Variants in TUSC3 observed in about 807,000 individuals in gnomAD.
The protein encoded by TUSC3 is tumor suppressor candidate 3.
TUSC3 carries 45 observed loss-of-function variants against 44.8 expected under a neutral mutation model. The ratio of observed to expected loss-of-function variants is 1.00; its 90% CI spans 0.79 to 1.29. The LOEUF is 1.29. Ranked by LOEUF, TUSC3 falls within the 50% of genes most tolerant of loss-of-function variation. The probability of loss-of-function intolerance (pLI) is 0.00; values close to 1 mark genes in which losing one functional copy is unlikely to be tolerated. For synonymous variants in TUSC3, 212 were observed against 152.9 expected, an observed-to-expected ratio of 1.39 and a Z score of -2.85; for missense variants, 519 against 437.9, an observed-to-expected ratio of 1.19 and a Z score of -1.65.
At chr8:15,811,905 A>C in the TUSC3 span, among the ~76,000 whole-genome samples, 1 of 148,424 alleles carries the variant, frequency 6.7e-6, no homozygotes, top group African/African-American at 2.5e-5. Context: ...AAGATTAAAA[A>C]TAGAAAAGAA....
At chr8:15,438,214 C>T (rs1799976106) in intron 1 of TUSC3, among the ~76,000 whole-genome samples, 1 of 152,112 alleles carries the variant, frequency 6.6e-6, no homozygotes, top group Admixed American at 6.5e-5. Context: ...CCTGCCTCAG[C>T]CTCCCAAGCA....
chr8:15,576,109 A>G (rs1004346470), intron 1 of TUSC3, among the ~76,000 whole-genome samples: 4 of 151,720 alleles, frequency 2.6e-5, no homozygotes, highest in Non-Finnish European at 5.9e-5. Context: ...CTAATTAATG[A>G]TCTCTTGTTA....
the TUSC3 span, among the ~76,000 whole-genome samples, chr8:15,819,890 T>C: frequency 6.6e-6 from 1 of 152,168 alleles, no homozygotes; most frequent in African/African-American, 2.4e-5. Context: ...CTATTGTTTT[T>C]TCATTTATTA....
intron 1 of TUSC3, among the ~76,000 whole-genome samples, chr8:15,563,753 GTTTTAAAGCTCATAGTTC>G (rs1802567508): frequency 6.7e-6 from 1 of 149,436 alleles, no homozygotes; most frequent in Admixed American, 6.7e-5. Context: ...CCTCAGAGTA[GTTTTAAAGCTCATAGTTC>G]TTAAATTGCA....
At chr8:15,671,907 TATCTTATTCATTCTTAC>T (rs1159369582) in intron 5 of TUSC3, among the ~76,000 whole-genome samples, 1 of 150,598 alleles carries the variant, frequency 6.6e-6, no homozygotes, top group African/African-American at 2.4e-5. Context: ...CAAGCCTCTT[TATCTTATTCATTCTTAC>T]ATCTCTAGAG....
chr8:15,805,638 A>G, the TUSC3 span, among the ~76,000 whole-genome samples: 2 of 152,138 alleles, frequency 1.3e-5, no homozygotes, highest in African/African-American at 2.4e-5. Context: ...ACTGATTTGC[A>G]TATGTTGAAC....
intron 2 of TUSC3, among the ~76,000 whole-genome samples, chr8:15,512,931 C>CATATATATAT (rs10696221): frequency 0.012 from 1,362 of 110,322 alleles, 23 homozygotes; most frequent in East Asian, 0.031. Context: ...TATATATAAT[C>CATATATATAT]ATATATATAT....
chr8:15,607,265 G>C (rs1450066097), intron 1 of TUSC3, among the ~76,000 whole-genome samples: 2 of 151,978 alleles, frequency 1.3e-5, no homozygotes, highest in Non-Finnish European at 2.9e-5. Context: ...TATTTAATGA[G>C]GCAGGCACCG....
chr8:15,757,963 T>G, intron 10 of TUSC3, 108 bp downstream of exon 10: 1 of 1,508,650 alleles, frequency 6.6e-7, no homozygotes, highest in Non-Finnish European at 8.9e-7. Context: ...GTTTTACAAA[T>G]GTAAGATAAC....
intron 1 of TUSC3, among the ~76,000 whole-genome samples, chr8:15,434,970 G>A (rs28457764): frequency 0.042 from 5,993 of 141,052 alleles, 306 homozygotes; most frequent in African/African-American, 0.12. Context: ...AGTCTTTGCT[G>A]TTGTGAATAG....
At chr8:15,444,952 T>C (rs1394393166) in intron 1 of TUSC3, among the ~76,000 whole-genome samples, 1 of 152,140 alleles carries the variant, frequency 6.6e-6, no homozygotes, top group Non-Finnish European at 1.5e-5. Flanking sequence ...CTCTACGAAC[T>C]TCAGATGCAG....
At chr8:15,426,471 C>T (rs1024691038) in intron 1 of TUSC3, among the ~76,000 whole-genome samples, 6 of 152,126 alleles carry the variant, frequency 3.9e-5, no homozygotes, top group Non-Finnish European at 8.8e-5. Flanking sequence ...GTTATAGATA[C>T]CTCATGTAAG....
At chr8:15,655,409 C>T (rs562446053) in intron 3 of TUSC3, among the ~76,000 whole-genome samples, 3 of 152,330 alleles carry the variant, frequency 2.0e-5, no homozygotes, top group African/African-American at 7.2e-5. Context: ...GTGCATACGG[C>T]CCCTCCCAAG....
chr8:15,782,150 A>G, the TUSC3 span, among the ~76,000 whole-genome samples: 106 of 152,280 alleles, frequency 7.0e-4, no homozygotes, highest in African/African-American at 2.5e-3. Context: ...AAGAAAAACT[A>G]CAAACCAATA....
At chr8:15,612,343 A>C (rs905100195) in intron 1 of TUSC3, among the ~76,000 whole-genome samples, 1 of 152,156 alleles carries the variant, frequency 6.6e-6, no homozygotes, top group East Asian at 1.9e-4. Flanking sequence ...ATGTTGAAAC[A>C]AACAAACAAA....
At chr8:15,526,384 A>G (rs1259939747) in intron 2 of TUSC3, among the ~76,000 whole-genome samples, 2 of 152,130 alleles carry the variant, frequency 1.3e-5, no homozygotes, top group East Asian at 3.9e-4. Flanking sequence ...AAACTAGTAA[A>G]GATTTTCTCG....
intron 1 of TUSC3, among the ~76,000 whole-genome samples, chr8:15,584,822 A>G (rs1294021358): frequency 6.6e-6 from 1 of 152,160 alleles, no homozygotes; most frequent in African/African-American, 2.4e-5. Context: ...GATCTTTTAT[A>G]TGTACAGGGT....
At chr8:15,607,837 T>G (rs1367257987) in intron 1 of TUSC3, among the ~76,000 whole-genome samples, 1 of 152,186 alleles carries the variant, frequency 6.6e-6, no homozygotes, top group Non-Finnish European at 1.5e-5. Context: ...ATGTAGAAAT[T>G]TTGTACTTTT....
chr8:15,851,015 A>G, the TUSC3 span, among the ~76,000 whole-genome samples: 1 of 152,144 alleles, frequency 6.6e-6, no homozygotes, highest in African/African-American at 2.4e-5. Context: ...TTTAGTGGGA[A>G]TGGTAGGTTT....
Sources: gnomAD v4.1 joint callset for allele counts (sites outside exome capture counted in the v4.1 genomes callset) on GRCh38, gnomAD v4.1.1 for gene constraint, MANE v1.5 for transcripts, NCBI Gene and HGNC (gene_info 2026-07-23, HGNC 2026-07-21) for gene names.